STK38L: variants seen among roughly 807,000 people sequenced by gnomAD.
STK38L encodes the protein serine/threonine-protein kinase 38-like.
A neutral mutation model predicts 59.7 loss-of-function variants in STK38L; 28 were observed. The observed-to-expected ratio is 0.47, with a 90% confidence interval of 0.35 to 0.64. The LOEUF (loss-of-function observed/expected upper bound fraction) is 0.64, where lower values mean the gene tolerates loss of function less well. STK38L is among the 30% of genes least tolerant of loss of function. The pLI is 0.01. For synonymous variants in STK38L, 162 were observed against 176.8 expected (o/e 0.92, Z 0.66); for missense variants, 314 against 555.8 (o/e 0.56, Z 4.37).
At chr12:27,316,473 C>G (rs1328300855) in intron 9 of STK38L, among the ~76,000 whole-genome samples, 1 of 152,104 alleles carries the variant, frequency 6.6e-6, no homozygotes, top group African/African-American at 2.4e-5. Flanking sequence ...CAGTAGTTGC[C>G]AAGCCTTAGA....
chr12:27,297,939 A>G, intron 2 of STK38L, 85 bp downstream of exon 2: 1 of 1,504,102 alleles, frequency 6.6e-7, no homozygotes, highest in Non-Finnish European at 9.1e-7. Flanking sequence ...ACCATGAATG[A>G]TATGAATATT....
chr12:27,265,475 A>G (rs1454686462), intron 1 of STK38L, among the ~76,000 whole-genome samples: 1 of 152,254 alleles, frequency 6.6e-6, no homozygotes, highest in South Asian at 2.1e-4. Context: ...GCTGTTATTA[A>G]TATATTGTAA....
At chr12:27,298,073 A>G (rs2169388) in intron 2 of STK38L, 110,515 of 445,498 alleles carry the variant, frequency 0.25, 14,516 homozygotes, top group East Asian at 0.35. Flanking sequence ...CCCGTATGAC[A>G]TGCCAATTAA....
intron 7 of STK38L, 148 bp from the exon 8 acceptor site, chr12:27,314,867 A>G (rs985724453): frequency 1.2e-6 from 1 of 847,040 alleles, no homozygotes; most frequent in Non-Finnish European, 1.8e-6. Flanking sequence ...TTTAAAAATC[A>G]TCATCAGATA....
At chr12:27,275,959 A>G (rs1030000850) in intron 1 of STK38L, among the ~76,000 whole-genome samples, 1 of 152,224 alleles carries the variant, frequency 6.6e-6, no homozygotes, top group African/African-American at 2.4e-5. Context: ...GCTGACTAGC[A>G]GTGCCTCAGG....
intron 5 of STK38L, 132 bp from the exon 6 acceptor site, chr12:27,312,417 C>T (rs1028211255): frequency 2.2e-6 from 2 of 929,370 alleles, no homozygotes; most frequent in African/African-American, 3.4e-5. Context: ...TACGAACATT[C>T]ATACATGTAT....
At chr12:27,267,499 T>C in intron 1 of STK38L, among the ~76,000 whole-genome samples, 1 of 152,228 alleles carries the variant, frequency 6.6e-6, no homozygotes, top group Non-Finnish European at 1.5e-5. Context: ...CTCGAACTCC[T>C]GGTCTCAAGC....
chr12:27,299,233 C>T (rs779473352), intron 2 of STK38L, among the ~76,000 whole-genome samples: 7 of 152,032 alleles, frequency 4.6e-5, no homozygotes, highest in Non-Finnish European at 7.4e-5. Flanking sequence ...TAATTTTGGA[C>T]GGATTTAACT....
At chr12:27,278,336 A>C (rs1171485184) in intron 1 of STK38L, among the ~76,000 whole-genome samples, 1 of 152,236 alleles carries the variant, frequency 6.6e-6, no homozygotes, top group Admixed American at 6.5e-5. Context: ...TTTATTGGGC[A>C]CTGCAGCCCA....
chr12:27,262,961 G>C (rs1329087834), intron 1 of STK38L, among the ~76,000 whole-genome samples: 1 of 151,948 alleles, frequency 6.6e-6, no homozygotes, highest in African/African-American at 2.4e-5. Flanking sequence ...ACCATGCCTG[G>C]CTAATTTTTG....
intron 1 of STK38L, among the ~76,000 whole-genome samples, chr12:27,288,084 G>C (rs1943815123): frequency 6.6e-6 from 1 of 152,094 alleles, no homozygotes; most frequent in Non-Finnish European, 1.5e-5. Context: ...TTTTCGTCAT[G>C]TTGGCCAGGC....
intron 1 of STK38L, among the ~76,000 whole-genome samples, chr12:27,290,486 C>G (rs1366456138): frequency 6.6e-6 from 1 of 152,204 alleles, no homozygotes; most frequent in Non-Finnish European, 1.5e-5. Flanking sequence ...TAGCCTTAAA[C>G]TAGCTTTTCT....
At chr12:27,295,711 T>G (rs1944002357) in intron 1 of STK38L, among the ~76,000 whole-genome samples, 1 of 151,968 alleles carries the variant, frequency 6.6e-6, no homozygotes, top group African/African-American at 2.4e-5. Flanking sequence ...TTCTTAGGAG[T>G]GATAAGCCAC....
intron 1 of STK38L, among the ~76,000 whole-genome samples, chr12:27,291,037 G>C (rs1457917167): frequency 6.6e-6 from 1 of 152,078 alleles, no homozygotes; most frequent in African/African-American, 2.4e-5. Flanking sequence ...TCTATCCGAA[G>C]TGCAAATCAG....
intron 1 of STK38L, among the ~76,000 whole-genome samples, chr12:27,247,960 G>A (rs949044783): frequency 6.6e-6 from 1 of 151,842 alleles, no homozygotes; most frequent in Admixed American, 6.6e-5. Flanking sequence ...GACTACAGGT[G>A]TGCACAAGCA....
chr12:27,251,721 T>G (rs933641656), intron 1 of STK38L, among the ~76,000 whole-genome samples: 1 of 152,258 alleles, frequency 6.6e-6, no homozygotes, highest in African/African-American at 2.4e-5. Context: ...CATTATAGCA[T>G]GGCATTTTCT....
chr12:27,319,237 A>T, intron 11 of STK38L, 91 bp from the exon 12 acceptor site: 1 of 773,592 alleles, frequency 1.3e-6, no homozygotes, highest in Non-Finnish European at 2.1e-6. Flanking sequence ...AAAACATTAT[A>T]TTTCTTTAAA....
At chr12:27,314,431 A>T in intron 6 of STK38L, 73 bp from the exon 7 acceptor site, 2 of 1,185,554 alleles carry the variant, frequency 1.7e-6, no homozygotes, top group Non-Finnish European at 2.3e-6. Context: ...TAAAAAAAGC[A>T]GGAAAGCTTT....
chr12:27,319,336 T>C lies in STK38L; in HGVS notation c.1088T>C (p.Ile363Thr), dbSNP rs771556609. The C allele has an allele frequency of 5.0e-6, 8 of 1,608,850 alleles. No individual in the cohort carries two copies. In the Admixed American group the frequency reaches 1.2e-4, roughly 23 times the overall value. The part of the protein sequence containing the change: ...KAKDLILRFC[I>T]DSENRIGNSG... ...CTGTTTCCATGTTGTAGATTTTGTA[T>C]TGATTCTGAAAACAGAATTGGAAAT... is the stretch of plus-strand genomic sequence containing the variant. The change falls in exon 12 of 14, where the codon ATT becomes ACT. Residue 363 changes from isoleucine (I) to threonine (T), a missense_variant. Transcript: ENST00000389032.
Sources: allele counts gnomAD v4.1 joint callset (sites outside exome capture counted in the v4.1 genomes callset), GRCh38; gene constraint gnomAD v4.1.1; transcripts MANE v1.5; gene names NCBI Gene and HGNC (gene_info 2026-07-23, HGNC 2026-07-21).